The following SMPD3 variants were observed in gnomAD, a reference collection of about 807,000 sequenced individuals.
SMPD3 encodes nSMase-2.
A neutral mutation model predicts 55.7 loss-of-function variants in SMPD3; 21 were observed. The observed-to-expected ratio is 0.38, with a 90% confidence interval of 0.27 to 0.54. SMPD3 has a LOEUF of 0.54. SMPD3 is among the 20% of genes least tolerant of loss of function. The pLI is 0.80. For synonymous variants in SMPD3, 457 were observed against 404.3 expected, an observed-to-expected ratio of 1.13 and a Z score of -1.56; for missense variants, 842 against 899.6, an observed-to-expected ratio of 0.94 and a Z score of 0.82.
At chr16:68,428,106 C>T (rs1303066028) in intron 1 of SMPD3, among the ~76,000 whole-genome samples, 1 of 152,150 alleles carries the variant, frequency 6.6e-6, no homozygotes, top group Non-Finnish European at 1.5e-5. Flanking sequence ...TTTGGAGTGT[C>T]TGAGCAGCCA....
At chr16:68,389,478 T>C (rs2152003626) in intron 1 of SMPD3, among the ~76,000 whole-genome samples, 1 of 152,356 alleles carries the variant, frequency 6.6e-6, no homozygotes, top group Admixed American at 6.5e-5. Flanking sequence ...ACCTGTTCCC[T>C]GGGGCCTCTC....
At chr16:68,365,389 C>T (rs568606085) in intron 3 of SMPD3, among the ~76,000 whole-genome samples, 1 of 152,182 alleles carries the variant, frequency 6.6e-6, no homozygotes. Flanking sequence ...GGCCCAGGCC[C>T]TGCCATCTCC....
chr16:68,388,658 C>A (rs1057415270), intron 1 of SMPD3, among the ~76,000 whole-genome samples: 1 of 152,100 alleles, frequency 6.6e-6, no homozygotes, highest in African/African-American at 2.4e-5. Flanking sequence ...CACTCCCATG[C>A]CCCACCAACT....
intron 1 of SMPD3, among the ~76,000 whole-genome samples, chr16:68,419,536 C>T (rs563671197): frequency 4.6e-5 from 7 of 152,350 alleles, no homozygotes; most frequent in African/African-American, 1.7e-4. Context: ...CATCCAACAT[C>T]TGTTGACTGT....
chr16:68,360,806 C>T lies in SMPD3; in HGVS notation c.*400G>A, dbSNP rs1830109416. 2 of 182,648 alleles carry T rather than the reference C, an allele frequency of 1.1e-5. No homozygotes were observed. The highest frequency in any genetic ancestry group is 4.8e-5 in the African/African-American group (2 of 42,102). The allele number at this position is 182,648 out of a possible 1,614,324, so 11.3% of individuals were successfully genotyped here. On this transcript the variant is annotated 3_prime_UTR_variant, in exon 9 of 9. Coordinates refer to ENST00000219334, the MANE Select transcript of SMPD3 (RefSeq NM_018667.4). Reference sequence around the variant, plus strand: ...TGGCACGTGGCATGCGGGCAGCGTGCATGCGAGGGTGCAGGCATGCGAGAC... The same window carrying T: ...TGGCACGTGGCATGCGGGCAGCGTGTATGCGAGGGTGCAGGCATGCGAGAC...
At position 68,371,295 on chromosome 16, in the gene SMPD3, G is replaced by A. The variant is rs747759471; in HGVS notation, c.887C>T (p.Ser296Leu). Residue 296 changes from serine to leucine, a missense_variant, in exon 3 of 9, where the codon TCG becomes TTG. By Grantham distance (145) the Ser-to-Leu change is moderately radical. Transcript: ENST00000219334. ...DGDSGSLGSP[S>L]ASRESLVKGR... ...CTTCACCAGGGACTCCCGGGAGGCCGAGGGGCTGCCCAGGCTCCCTGAATC... is the reference window on the plus strand; with the variant it reads ...CTTCACCAGGGACTCCCGGGAGGCCAAGGGGCTGCCCAGGCTCCCTGAATC... 1.4e-5 allele frequency: 22 copies of A among 1,602,326 alleles called. No individual in the cohort carries two copies. Among genetic ancestry groups the A allele is most frequent in the Admixed American group, 3.3e-5 (2 of 59,734 alleles).
intron 2 of SMPD3, among the ~76,000 whole-genome samples, chr16:68,382,962 G>T (rs375824860): frequency 6.6e-6 from 1 of 151,984 alleles, no homozygotes; most frequent in Non-Finnish European, 1.5e-5. Context: ...CTCCTGCCTC[G>T]GCCTCCCGAG....
intron 1 of SMPD3, among the ~76,000 whole-genome samples, chr16:68,409,645 G>C (rs1216103919): frequency 1.3e-5 from 2 of 152,178 alleles, no homozygotes; most frequent in Non-Finnish European, 2.9e-5. Flanking sequence ...CCAGGCTGGA[G>C]TGCAGTGGCG....
intron 7 of SMPD3, 121 bp from the exon 8 acceptor site, chr16:68,361,880 T>C (rs1448015274): frequency 1.4e-6 from 2 of 1,385,284 alleles, no homozygotes. Flanking sequence ...ACCAAAGCGC[T>C]GGGTTTAAGA....
rs749487570 is a variant in SMPD3, at chr16:68,371,036, G to A, written c.1146C>T (p.Phe382=). 22 of 1,614,106 alleles carry A rather than the reference G, an allele frequency of 1.4e-5. No individual in the cohort carries two copies. Among genetic ancestry groups the A allele is most frequent in the African/African-American group, 1.3e-4 (10 of 74,946 alleles). Residue 382 remains phenylalanine (F), a synonymous_variant, in exon 3 of 9, where the codon TTC becomes TTT. Coordinates refer to ENST00000219334, the MANE Select transcript of SMPD3 (RefSeq NM_018667.4). ...TKLKEQLHGY[F]EYILYDVGVY... is the part of the protein sequence containing the mutation. ...CCCCGACGTCGTACAGGATGTACTC[G>A]AAGTAGCCGTGCAGCTGCTCTTTCA...
intron 1 of SMPD3, among the ~76,000 whole-genome samples, chr16:68,426,132 T>G (rs1444365381): frequency 6.6e-6 from 1 of 152,230 alleles, no homozygotes; most frequent in Non-Finnish European, 1.5e-5. Flanking sequence ...TCAATAATCC[T>G]GTTCCACTTT....
chr16:68,364,302 A>AT (rs1368088752), intron 5 of SMPD3: 1 of 224,598 alleles, frequency 4.5e-6, no homozygotes, highest in African/African-American at 2.3e-5. Flanking sequence ...CTGCCTGGCT[A>AT]TGTGACCTTG....
chr16:68,364,626 A>G, intron 5 of SMPD3, 125 bp downstream of exon 5: 1 of 1,099,290 alleles, frequency 9.1e-7, no homozygotes, highest in Non-Finnish European at 1.3e-6. Context: ...CTTGCTAAAT[A>G]CCCCGCCCAC....
chr16:68,436,013 G>A (rs1449595920), intron 1 of SMPD3, among the ~76,000 whole-genome samples: 1 of 152,194 alleles, frequency 6.6e-6, no homozygotes, highest in Non-Finnish European at 1.5e-5. Context: ...TCAAGTGGTA[G>A]CATCACCAGG....
At chr16:68,443,123 C>T (rs565358306) in intron 1 of SMPD3, among the ~76,000 whole-genome samples, 2 of 152,274 alleles carry the variant, frequency 1.3e-5, no homozygotes, top group South Asian at 2.1e-4. Flanking sequence ...AGAAACCGGC[C>T]CCTGTGTGTG....
intron 1 of SMPD3, among the ~76,000 whole-genome samples, chr16:68,403,679 G>C (rs1337703753): frequency 6.6e-6 from 1 of 152,172 alleles, no homozygotes; most frequent in Non-Finnish European, 1.5e-5. Flanking sequence ...ATCCTTTATG[G>C]AAAACAAAAG....
intron 1 of SMPD3, among the ~76,000 whole-genome samples, chr16:68,417,118 G>C (rs901981417): frequency 6.6e-6 from 1 of 152,112 alleles, no homozygotes; most frequent in Admixed American, 6.5e-5. Flanking sequence ...TCAAAATTAA[G>C]CCCTTTCTGA....
intron 1 of SMPD3, among the ~76,000 whole-genome samples, chr16:68,398,902 A>G (rs2090183017): frequency 6.6e-6 from 1 of 152,212 alleles, no homozygotes; most frequent in Non-Finnish European, 1.5e-5. Flanking sequence ...GTCTGTGGTC[A>G]CTTTTCATTC....
At chr16:68,415,530 C>T (rs950752000) in intron 1 of SMPD3, among the ~76,000 whole-genome samples, 4 of 152,164 alleles carry the variant, frequency 2.6e-5, no homozygotes, top group East Asian at 1.9e-4. Flanking sequence ...GATCTGTCTA[C>T]GGAAACGTTA....
Sources: gnomAD v4.1 joint callset for allele counts (sites outside exome capture counted in the v4.1 genomes callset) on GRCh38, gnomAD v4.1.1 for gene constraint, MANE v1.5 for transcripts, NCBI Gene and HGNC (gene_info 2026-07-23, HGNC 2026-07-21) for gene names.